CATSPERT: variants seen among roughly 807,000 people sequenced by gnomAD.
CATSPERT encodes catsper channel auxiliary subunit tau.
At chr2:201,590,593 G>C in the CATSPERT span, among the ~76,000 whole-genome samples, 4 of 152,222 alleles carry the variant, frequency 2.6e-5, no homozygotes, top group African/African-American at 7.2e-5. Flanking sequence ...CTAGTTTACA[G>C]TCCCACCAGC....
the CATSPERT span, among the ~76,000 whole-genome samples, chr2:201,502,013 A>G: frequency 2.6e-5 from 4 of 152,174 alleles, no homozygotes; most frequent in African/African-American, 9.7e-5. Context: ...TCCATCCTTC[A>G]GGTATCCTCC....
At chr2:201,503,951 A>G in the CATSPERT span, among the ~76,000 whole-genome samples, 1 of 152,120 alleles carries the variant, frequency 6.6e-6, no homozygotes, top group Non-Finnish European at 1.5e-5. Flanking sequence ...ACTTACTCTC[A>G]TGTGTTATGA....
At chr2:201,609,978 T>C in the CATSPERT span, among the ~76,000 whole-genome samples, 1 of 151,978 alleles carries the variant, frequency 6.6e-6, no homozygotes, top group Admixed American at 6.6e-5. Context: ...AAAGGAAATA[T>C]AACTATGTCA....
the CATSPERT span, among the ~76,000 whole-genome samples, chr2:201,521,765 A>G: frequency 6.6e-6 from 1 of 152,232 alleles, no homozygotes; most frequent in Non-Finnish European, 1.5e-5. Context: ...ACAAAATGCT[A>G]ACAAATCAAA....
the CATSPERT span, among the ~76,000 whole-genome samples, chr2:201,497,996 C>T: frequency 3.9e-5 from 6 of 152,040 alleles, no homozygotes; most frequent in Admixed American, 3.3e-4. Context: ...AAAACCCAAT[C>T]AGAAAAACCA....
the CATSPERT span, among the ~76,000 whole-genome samples, chr2:201,530,752 T>C: frequency 2.0e-5 from 3 of 152,140 alleles, no homozygotes; most frequent in African/African-American, 7.2e-5. Flanking sequence ...CACTTACCCT[T>C]TGTGGAAATA....
At chr2:201,589,039 A>C in the CATSPERT span, among the ~76,000 whole-genome samples, 2 of 152,198 alleles carry the variant, frequency 1.3e-5, no homozygotes, top group African/African-American at 4.8e-5. Context: ...CTAGGAGTAC[A>C]GCTAACTAGA....
the CATSPERT span, among the ~76,000 whole-genome samples, chr2:201,568,042 T>C: frequency 6.6e-6 from 1 of 152,244 alleles, no homozygotes; most frequent in Non-Finnish European, 1.5e-5. Context: ...GGCCCAGCTG[T>C]GGTTATTTCT....
chr2:201,557,791 C>T, the CATSPERT span: 20 of 152,202 alleles, frequency 1.3e-4, no homozygotes, highest in Non-Finnish European at 2.8e-4. Flanking sequence ...CACATCAAGC[C>T]AACTAGGTCA....
At chr2:201,562,619 A>C in the CATSPERT span, among the ~76,000 whole-genome samples, 2 of 148,118 alleles carry the variant, frequency 1.4e-5, no homozygotes, top group African/African-American at 4.9e-5. Flanking sequence ...CAGATAAACA[A>C]GTGAACAAAG....
At chr2:201,573,017 C>T in the CATSPERT span, among the ~76,000 whole-genome samples, 13 of 152,154 alleles carry the variant, frequency 8.5e-5, no homozygotes, top group African/African-American at 2.9e-4. Flanking sequence ...AGGTCATTTC[C>T]CCTATATAAC....
the CATSPERT span, among the ~76,000 whole-genome samples, chr2:201,597,093 A>G: frequency 6.6e-6 from 1 of 152,184 alleles, no homozygotes; most frequent in African/African-American, 2.4e-5. Context: ...TTGGAAGGCA[A>G]TTCCTGGCAG....
At chr2:201,492,867 A>G in the CATSPERT span, 1 of 1,536,632 alleles carries the variant, frequency 6.5e-7, no homozygotes, top group East Asian at 2.5e-5. Flanking sequence ...CTACAAGGTA[A>G]TGCTGGATTT....
the CATSPERT span, chr2:201,604,785 TAGTA>T: frequency 3.1e-6 from 3 of 969,334 alleles, no homozygotes; most frequent in Non-Finnish European, 4.5e-6. Context: ...TATGAATCTC[TAGTA>T]AGTGTCAGGT....
chr2:201,560,010 TACAG>T, the CATSPERT span, among the ~76,000 whole-genome samples: 1 of 152,094 alleles, frequency 6.6e-6, no homozygotes, highest in Non-Finnish European at 1.5e-5. Context: ...TATAAGAGAA[TACAG>T]ACAGACAATT....
At chr2:201,492,120 T>C in the CATSPERT span, 2 of 1,526,742 alleles carry the variant, frequency 1.3e-6, no homozygotes, top group South Asian at 1.2e-5. Flanking sequence ...GAATCAATTC[T>C]GCTTCTCTAA....
the CATSPERT span, among the ~76,000 whole-genome samples, chr2:201,542,930 C>T: frequency 2.5e-4 from 38 of 152,132 alleles, no homozygotes; most frequent in Non-Finnish European, 1.0e-4. Context: ...TTGCCAACAC[C>T]AGTGTCAATG....
chr2:201,562,972 C>A, the CATSPERT span, among the ~76,000 whole-genome samples: 8 of 151,004 alleles, frequency 5.3e-5, no homozygotes, highest in East Asian at 1.4e-3. Context: ...ACCTTTCCCC[C>A]CTTTCTATTC....
At chr2:201,487,519 T>G in the CATSPERT span, 1 of 1,192,872 alleles carries the variant, frequency 8.4e-7, no homozygotes, top group Non-Finnish European at 1.2e-6. Flanking sequence ...TCCAAACCAT[T>G]TTGTTAATGG....
Sources: allele counts gnomAD v4.1 joint callset (sites outside exome capture counted in the v4.1 genomes callset), GRCh38; gene constraint gnomAD v4.1.1; transcripts MANE v1.5; gene names NCBI Gene and HGNC (gene_info 2026-07-23, HGNC 2026-07-21).